The following RXFP1 variants were observed in gnomAD, a reference collection of about 807,000 sequenced individuals.
RXFP1 encodes the protein relaxin family peptide receptor 1.
A neutral mutation model predicts 89.8 loss-of-function variants in RXFP1; 73 were observed. The observed-to-expected ratio is 0.81, with a 90% CI of 0.67 to 0.99. The LOEUF (loss-of-function observed/expected upper bound fraction) is 0.99. Among genes scored for constraint, RXFP1 ranks in the 50% least tolerant of loss-of-function variants. The pLI is 0.00. For synonymous variants in RXFP1, 277 were observed against 305.5 expected, an observed-to-expected ratio of 0.91 and a Z score of 0.97; for missense variants, 793 against 895.5, an observed-to-expected ratio of 0.89 and a Z score of 1.46.
intron 12 of RXFP1, among the ~76,000 whole-genome samples, chr4:158,637,172 C>T (rs1769342422): frequency 6.6e-6 from 1 of 152,050 alleles, no homozygotes; most frequent in Non-Finnish European, 1.5e-5. Flanking sequence ...GAATCCATAC[C>T]TTGGCTATTA....
intron 17 of RXFP1, among the ~76,000 whole-genome samples, chr4:158,649,267 A>G (rs1772160490): frequency 6.6e-6 from 1 of 152,210 alleles, no homozygotes; most frequent in South Asian, 2.1e-4. Context: ...TAAATTCCAC[A>G]CGGTGTTGAA....
intron 9 of RXFP1, among the ~76,000 whole-genome samples, chr4:158,617,740 C>T (rs1229842866): frequency 3.3e-5 from 5 of 151,906 alleles, no homozygotes; most frequent in Admixed American, 6.6e-5. Flanking sequence ...ATTTAGAACA[C>T]AAGTGAAAAA....
chr4:158,573,333 T>TGG (rs1279793205), intron 2 of RXFP1, among the ~76,000 whole-genome samples: 1 of 152,166 alleles, frequency 6.6e-6, no homozygotes, highest in Non-Finnish European at 1.5e-5. Context: ...TTCCATGTAA[T>TGG]GGTATCACAG....
At chr4:158,578,531 A>G (rs1756700282) in intron 2 of RXFP1, among the ~76,000 whole-genome samples, 1 of 152,260 alleles carries the variant, frequency 6.6e-6, no homozygotes, top group Non-Finnish European at 1.5e-5. Flanking sequence ...TGTTAAAGGA[A>G]CATCAAATTC....
chr4:158,568,285 A>G (rs1754194095), intron 1 of RXFP1, among the ~76,000 whole-genome samples: 1 of 152,266 alleles, frequency 6.6e-6, no homozygotes, highest in Non-Finnish European at 1.5e-5. Context: ...AATTCCGGAC[A>G]CAATACAATC....
intron 2 of RXFP1, among the ~76,000 whole-genome samples, chr4:158,579,676 G>A (rs1352135878): frequency 2.0e-5 from 3 of 152,200 alleles, no homozygotes; most frequent in Admixed American, 1.3e-4. Flanking sequence ...TGGGCCTAAA[G>A]AGACATTATT....
chr4:158,644,231 A>G (rs1393289597), intron 14 of RXFP1, among the ~76,000 whole-genome samples: 1 of 151,790 alleles, frequency 6.6e-6, no homozygotes, highest in Non-Finnish European at 1.5e-5. Context: ...TATTTTTAGT[A>G]GAGATGGGGT....
intron 1 of RXFP1, among the ~76,000 whole-genome samples, chr4:158,566,811 G>A (rs1415187876): frequency 2.6e-5 from 4 of 152,242 alleles, no homozygotes; most frequent in Non-Finnish European, 4.4e-5. Context: ...GCTCGCTCTC[G>A]GCACCCCCTC....
chr4:158,564,470 G>A (rs1419560325), intron 1 of RXFP1, among the ~76,000 whole-genome samples: 1 of 152,192 alleles, frequency 6.6e-6, no homozygotes, highest in Non-Finnish European at 1.5e-5. Flanking sequence ...AGGGAGGCTG[G>A]AAACTCAGTG....
intron 12 of RXFP1, among the ~76,000 whole-genome samples, 190 bp from the exon 13 acceptor site, chr4:158,637,818 G>A (rs1769498812): frequency 6.6e-6 from 1 of 152,110 alleles, no homozygotes; most frequent in African/African-American, 2.4e-5. Context: ...CCAGGTTAAT[G>A]TCCTGGGGCT....
intron 3 of RXFP1, among the ~76,000 whole-genome samples, chr4:158,594,402 A>G (rs1469415761): frequency 6.6e-6 from 1 of 151,962 alleles, no homozygotes; most frequent in Non-Finnish European, 1.5e-5. Flanking sequence ...CACTATCATA[A>G]TTGCTGGTGG....
At chr4:158,630,366 T>C (rs531175220) in intron 11 of RXFP1, among the ~76,000 whole-genome samples, 6 of 152,306 alleles carry the variant, frequency 3.9e-5, no homozygotes, top group African/African-American at 1.4e-4. Flanking sequence ...AGGAAAGTAG[T>C]CTAAATAGTA....
At chr4:158,617,012 G>T in intron 8 of RXFP1, 119 bp from the exon 9 acceptor site, 1 of 660,484 alleles carries the variant, frequency 1.5e-6, no homozygotes. Context: ...AAATTAGAAG[G>T]AAAAAACAAC....
rs771654308 is a variant in RXFP1 at position 158,605,076 on chromosome 4, A to T, written c.401A>T (p.Gln134Leu). The T allele has an allele frequency of 3.8e-6, 6 of 1,576,278 alleles. No individual in the cohort carries two copies. The highest frequency in any genetic ancestry group is 5.2e-6 in the Non-Finnish European group (6 of 1,151,732). The change falls in exon 5 of 18, where the codon CAG becomes CTG. Residue 134 changes from glutamine (Q) to leucine (L), a missense_variant. Coordinates refer to ENST00000307765, the MANE Select transcript of RXFP1 (RefSeq NM_021634.4). ...ATTTACATTTATTTCAGGTCACTTCAGTGGAACTTAATAAGAAAGCTTCCT... is the reference window on the plus strand; with the variant it reads ...ATTTACATTTATTTCAGGTCACTTCTGTGGAACTTAATAAGAAAGCTTCCT... The part of the protein sequence containing the change: ...VSSNVTAMSL[Q>L]WNLIRKLPPD...
chr4:158,585,212 C>T (rs1475716084), intron 2 of RXFP1, among the ~76,000 whole-genome samples: 1 of 152,184 alleles, frequency 6.6e-6, no homozygotes, highest in African/African-American at 2.4e-5. Context: ...AAAGCTATTT[C>T]TTTATTGCCT....
intron 1 of RXFP1, among the ~76,000 whole-genome samples, chr4:158,571,897 T>C (rs1017323612): frequency 6.6e-6 from 1 of 152,176 alleles, no homozygotes; most frequent in Admixed American, 6.5e-5. Flanking sequence ...TCACCATGTG[T>C]GTGGGTATCA....
chr4:158,540,825 C>T (rs4691512), intron 1 of RXFP1, among the ~76,000 whole-genome samples: 8 of 152,016 alleles, frequency 5.3e-5, no homozygotes, highest in Non-Finnish European at 8.8e-5. Context: ...GCACACACTA[C>T]GGATGGCTGT....
chr4:158,638,059 T>C lies in RXFP1; in HGVS notation c.1023T>C (p.Tyr341=), dbSNP rs1169262853. The change falls in exon 13 of 18, where the codon TAT becomes TAC. Residue 341 remains tyrosine (Y), a synonymous_variant. Coordinates refer to ENST00000307765, the MANE Select transcript of RXFP1 (RefSeq NM_021634.4). ...AAATTCAAGCAAACCAATTTGATTA[T>C]CTTGTCAAACTCAAGTCTCTGTAAG... The part of the protein sequence containing the change: ...IQKIQANQFD[Y]LVKLKSLSLE... The C allele has an allele frequency of 1.9e-6, 3 of 1,602,222 alleles. No homozygotes were observed. The highest frequency in any genetic ancestry group is 2.7e-5 in the African/African-American group (2 of 74,666).
At chr4:158,650,567 G>C (rs1198758995) in intron 17 of RXFP1, among the ~76,000 whole-genome samples, 3 of 151,744 alleles carry the variant, frequency 2.0e-5, no homozygotes, top group Admixed American at 2.0e-4. Flanking sequence ...TCAGGAGTTG[G>C]AGACCAGCCT....
Sources: gnomAD v4.1 joint callset for allele counts (sites outside exome capture counted in the v4.1 genomes callset) on GRCh38, gnomAD v4.1.1 for gene constraint, MANE v1.5 for transcripts, NCBI Gene and HGNC (gene_info 2026-07-23, HGNC 2026-07-21) for gene names.